Variants in TRMT1 observed in about 807,000 individuals in gnomAD.
TRMT1 encodes the protein tRNA methyltransferase 1, also known as tRNA (guanine(26)-N(2))-dimethyltransferase.
In TRMT1, 63 loss-of-function variants were observed where a neutral mutation model predicts 75.4. That is an observed-to-expected ratio of 0.84 (90% CI 0.68 to 1.03). The LOEUF is 1.03. Among genes scored for constraint, TRMT1 ranks in the 50% least tolerant of loss-of-function variants. The pLI, the probability that TRMT1 is intolerant of heterozygous loss-of-function variation, is 0.00. For missense variants in TRMT1, 870 were observed against 905.3 expected (o/e 0.96, Z 0.50); for synonymous variants, 382 against 358.1 (o/e 1.07, Z -0.75).
In TRMT1 at chr19:13,105,519, G is replaced by A. The variant is rs747909964; in HGVS notation, c.1671C>T (p.Ala557=). Residue 557 remains alanine (A), a synonymous_variant, in exon 15 of 17, where the codon GCC becomes GCT. Coordinates refer to ENST00000357720, the MANE Select transcript of TRMT1 (RefSeq NM_001136035.4). ...GLKRFQANPE[A]NWGPRPRARP... is the part of the protein sequence containing the mutation. ...GGGCACGAGGCCGGGGACCCCAGTT[G>A]GCCTCCGGGTTAGCCTGGAAGCGCT... 5 of 1,613,918 alleles carry A rather than the reference G, an allele frequency of 3.1e-6. No individual in the cohort carries two copies. Among genetic ancestry groups the A allele is most frequent in the South Asian group, 1.1e-5 (1 of 91,080 alleles).
chr19:13,112,743 C>A lies in TRMT1; in HGVS notation c.832G>T (p.Gly278Trp). The A allele has an allele frequency of 6.2e-7, 1 of 1,613,614 alleles. No individual in the cohort carries two copies. Among genetic ancestry groups the A allele is most frequent in the South Asian group, 1.1e-5 (1 of 91,082 alleles). ...NSGETCYSKY[G>W]AMALKSRACH... ...GCCCGGCTCTTGAGGGCCATGGCCC[C>A]GTACTTGCTGTAGCACGTCTCCCCG... Residue 278 changes from glycine to tryptophan, a missense_variant, in exon 7 of 17, where the codon GGG becomes TGG. Transcript: ENST00000357720.
rs535351547 is a variant in TRMT1, at chr19:13,108,797, A to G, written c.1397+584T>C. 6.3e-4 allele frequency among the ~76,000 whole-genome samples: 95 copies of G among 150,820 alleles called. 1 individual carries two copies. Among genetic ancestry groups the G allele is most frequent in the African/African-American group, 2.3e-3 (95 of 40,890 alleles). On this transcript the variant is annotated intron_variant, in intron 12 of 16. Coordinates refer to ENST00000357720, the MANE Select transcript of TRMT1 (RefSeq NM_001136035.4). ...GCTAATTTTTGTATTTTTAGTAGAG[A>G]CAGGGTTTAACCATTTTGACCACGC...
Position 13,107,753 on chromosome 19 carries a change from A to G in TRMT1, c.1504T>C (p.Trp502Arg), listed in dbSNP as rs1262501152. ...CATGAGGTCAGCCCTGCCCTCACCC[A>G]GCAACGCATGATGTCCCAGAGGGCA... ...ASALWDIMRC[W>R]EKECPVKRER... The change falls in exon 13 of 17, where the codon TGG becomes CGG. Residue 502 changes from tryptophan (W) to arginine (R), a missense_variant and splice_region_variant. Trp to Arg is a moderately radical substitution (Grantham distance 101, BLOSUM62 -3). Transcript: ENST00000357720. 1 of 1,554,664 alleles carries G rather than the reference A, an allele frequency of 6.4e-7. No homozygotes were observed.
chr19:13,112,750 G>A lies in TRMT1; in HGVS notation c.825C>T (p.Ser275=). 6.2e-7 allele frequency: 1 copy of A among 1,613,734 alleles called. No homozygotes were observed. The highest frequency in any genetic ancestry group is 8.5e-7 in the Non-Finnish European group (1 of 1,180,014). ...TCTTGAGGGCCATGGCCCCGTACTT[G>A]CTGTAGCACGTCTCCCCGCTGTTCC... The part of the protein sequence containing the change: ...LAGNSGETCY[S]KYGAMALKSR... Residue 275 remains serine (S), a synonymous_variant, in exon 7 of 17, where the codon AGC becomes AGT. Transcript: ENST00000357720.
At chr19:13,114,244 G>A (rs1445150650) in intron 5 of TRMT1, among the ~76,000 whole-genome samples, 1 of 152,150 alleles carries the variant, frequency 6.6e-6, no homozygotes, top group African/African-American at 2.4e-5. Context: ...AGGCTAGGCC[G>A]GGCGCAGTGG....
Position 13,107,638 on chromosome 19 carries a change from G to C in TRMT1, c.1519C>G (p.Pro507Ala). 3 of 1,607,210 alleles carry C rather than the reference G, an allele frequency of 1.9e-6. No homozygotes were observed. The highest frequency in any genetic ancestry group is 2.6e-6 in the Non-Finnish European group (3 of 1,176,216). ...TCTGATAGTCGCTCCCGTTTCACCG[G>C]ACATTCCTTCTCCTGGGGGCAGAGG... Reference protein sequence around the residue: ...DIMRCWEKECPVKRERLSETS... With the variant: ...DIMRCWEKECAVKRERLSETS... Residue 507 changes from proline to alanine, a missense_variant, in exon 14 of 17, where the codon CCG (proline) becomes GCG (alanine). Transcript: ENST00000357720.
rs149504328 is a variant in TRMT1 at position 13,115,264 on chromosome 19, A to G, written c.641+15T>C. On this transcript the variant is annotated intron_variant, in intron 5 of 16. Coordinates refer to ENST00000357720, the MANE Select transcript of TRMT1 (RefSeq NM_001136035.4). ...AGGCTTGTCCCAGAGCTAGGCTGTG[A>G]TGCCCAGAACCTACCGGGCATCTGC... is the stretch of plus-strand genomic sequence containing the variant. The G allele has an allele frequency of 1.3e-3, 2,071 of 1,601,912 alleles. 19 individuals are homozygous for G. The African/African-American group carries it at 0.025, about 19-fold the overall frequency.
At chr19:13,106,931 C>A (rs1443298772) in intron 14 of TRMT1, among the ~76,000 whole-genome samples, 13 of 150,128 alleles carry the variant, frequency 8.7e-5, no homozygotes, top group Non-Finnish European at 1.6e-4. Flanking sequence ...TCACGCCATT[C>A]TCCTGTCTCA....
At position 13,110,972 on chromosome 19, in the gene TRMT1, C is replaced by T. The variant is rs187507413; in HGVS notation, c.871-666G>A. Among the ~76,000 whole-genome samples, 103 of 152,142 alleles carry T rather than the reference C, an allele frequency of 6.8e-4. No individual in the cohort carries two copies. In the East Asian group the frequency reaches 0.018, roughly 27 times the overall value. On this transcript the variant is annotated intron_variant, in intron 7 of 16. Coordinates refer to ENST00000357720, the MANE Select transcript of TRMT1 (RefSeq NM_001136035.4). Reference sequence around the variant, plus strand: ...TCTCAAAAAAGAAAAAAAAGCAAAACGGCTAGGGCTTTCCTGCTAGTGTGA... The same window carrying T: ...TCTCAAAAAAGAAAAAAAAGCAAAATGGCTAGGGCTTTCCTGCTAGTGTGA...
At chr19:13,108,128 C>T (rs537694853) in intron 12 of TRMT1, among the ~76,000 whole-genome samples, 4 of 147,586 alleles carry the variant, frequency 2.7e-5, no homozygotes, top group Non-Finnish European at 6.0e-5. Flanking sequence ...ATAGCTGGGA[C>T]TATAGGCATG....
Position 13,109,684 on chromosome 19 carries a change from G to A in TRMT1, c.1177C>T (p.Leu393Phe). 2 of 1,613,876 alleles carry A rather than the reference G, an allele frequency of 1.2e-6. No homozygotes were observed. The highest frequency in any genetic ancestry group is 1.7e-6 in the Non-Finnish European group (2 of 1,179,984). Residue 393 changes from leucine (L) to phenylalanine (F), a missense_variant and splice_region_variant, in exon 11 of 17, where the codon CTT becomes TTT. Leu to Phe is a conservative substitution (Grantham distance 22, BLOSUM62 0). Coordinates refer to ENST00000357720, the MANE Select transcript of TRMT1 (RefSeq NM_001136035.4). ...GGCTCTGCCCACATGGGGCCACCAAGCTGGGGGCGCACCGGGGACAGGTGA... is the reference window on the plus strand; with the variant it reads ...GGCTCTGCCCACATGGGGCCACCAAACTGGGGGCGCACCGGGGACAGGTGA... ...ECEHCGQRHQ[L>F]GGPMWAEPIH...
Position 13,107,742 on chromosome 19 carries a change from T to C in TRMT1, c.1506+9A>G. On this transcript the variant is annotated intron_variant, in intron 13 of 16. Transcript: ENST00000357720. ...CCTCCCACCTGCATGAGGTCAGCCC[T>C]GCCCTCACCCAGCAACGCATGATGT... 6.4e-7 allele frequency: 1 copy of C among 1,555,828 alleles called. No homozygotes were observed. Among genetic ancestry groups the C allele is most frequent in the Non-Finnish European group, 8.7e-7 (1 of 1,148,702 alleles).
chr19:13,107,927 G>T, intron 12 of TRMT1, 68 bp from the exon 13 acceptor site: 1 of 1,332,798 alleles, frequency 7.5e-7, no homozygotes, highest in Non-Finnish European at 1.1e-6. Flanking sequence ...GCTGACCAGC[G>T]TAGGTAAGAC....
intron 16 of TRMT1, 74 bp downstream of exon 16, chr19:13,105,193 C>G: frequency 6.4e-7 from 1 of 1,564,822 alleles, no homozygotes; most frequent in Non-Finnish European, 8.7e-7. Context: ...CCCCAGCTCC[C>G]CCAATTCTCT....
rs2018928150 is a variant in TRMT1, at chr19:13,107,492, G to A, written c.1583+82C>T. The A allele has an allele frequency of 4.1e-6, 6 of 1,454,768 alleles. No individual in the cohort carries two copies. The South Asian group carries it at 7.3e-5, about 18-fold the overall frequency. The allele number at this position is 1,454,768 out of a possible 1,614,324, so 90.1% of individuals were successfully genotyped here. ...AAGAATGGGCACGAGTCTGTGTGGG[G>A]CAGCATCTGTGTTGTCTGCACACAC... is the stretch of plus-strand genomic sequence containing the variant. On this transcript the variant is annotated intron_variant, in intron 14 of 16. Coordinates refer to ENST00000357720, the MANE Select transcript of TRMT1 (RefSeq NM_001136035.4).
intron 14 of TRMT1, among the ~76,000 whole-genome samples, chr19:13,105,878 A>G (rs2018845415): frequency 6.6e-6 from 1 of 152,088 alleles, no homozygotes; most frequent in South Asian, 2.1e-4. Flanking sequence ...CCTGGCCAAC[A>G]TGGTGAAACC....
At chr19:13,113,284 G>A (rs968570175) in intron 5 of TRMT1, among the ~76,000 whole-genome samples, 2 of 151,946 alleles carry the variant, frequency 1.3e-5, no homozygotes, top group African/African-American at 2.4e-5. Context: ...TCAGCCTCCC[G>A]AGTAGAGTAG....
chr19:13,112,962 C>T lies in TRMT1; in HGVS notation c.691G>A (p.Asp231Asn), dbSNP rs780536551. The T allele has an allele frequency of 3.0e-5, 48 of 1,613,776 alleles. No individual in the cohort carries two copies. The highest frequency in any genetic ancestry group is 3.3e-5 in the Non-Finnish European group (39 of 1,179,908). Residue 231 changes from aspartate to asparagine, a missense_variant, in exon 6 of 17, where the codon GAT (aspartate) becomes AAT (asparagine). Coordinates refer to ENST00000357720, the MANE Select transcript of TRMT1 (RefSeq NM_001136035.4). The stretch of plus-strand genomic sequence containing the variant: ...GCTGGGCTGCCATAGGGGTCCAGAT[C>T]GATGACGTCAAACCTCTCCGACACC... ...QRVSERFDVI[D>N]LDPYGSPATF...
At chr19:13,109,723 C>A in intron 10 of TRMT1, 39 bp from the exon 11 acceptor site, 1 of 1,613,966 alleles carries the variant, frequency 6.2e-7, no homozygotes, top group South Asian at 1.1e-5. Context: ...GGGACTATGA[C>A]CTTCAAGACC....
Sources: gnomAD v4.1 joint callset for allele counts (sites outside exome capture counted in the v4.1 genomes callset) on GRCh38, gnomAD v4.1.1 for gene constraint, MANE v1.5 for transcripts, NCBI Gene and HGNC (gene_info 2026-07-23, HGNC 2026-07-21) for gene names.